The following ADGRL3 variants were observed in gnomAD, a reference collection of about 807,000 sequenced individuals.
The protein encoded by ADGRL3 is adhesion G protein-coupled receptor L3.
ADGRL3 carries 62 observed loss-of-function variants against 153.5 expected under a neutral mutation model. The ratio of observed to expected loss-of-function variants is 0.40; its 90% CI spans 0.33 to 0.50. The LOEUF (loss-of-function observed/expected upper bound fraction) is 0.50. Among genes scored for constraint, ADGRL3 ranks in the 20% least tolerant of loss-of-function variants. The probability of loss-of-function intolerance (pLI) is 0.47; values close to 1 mark genes in which losing one functional copy is unlikely to be tolerated. For missense variants in ADGRL3, 1,641 were observed against 1,859.4 expected, an observed-to-expected ratio of 0.88 and a Z score of 2.16; for synonymous variants, 710 against 672.5, an observed-to-expected ratio of 1.06 and a Z score of -0.86.
chr4:61,260,207 G>T (rs2092394808), intron 1 of ADGRL3, among the ~76,000 whole-genome samples: 1 of 152,136 alleles, frequency 6.6e-6, no homozygotes, highest in East Asian at 1.9e-4. Context: ...CCTAACGATG[G>T]TTGTTTTATA....
In ADGRL3 at chr4:61,873,542, T is replaced by C. The variant is rs192676983; in HGVS notation, c.1481-19114T>C. Among the ~76,000 whole-genome samples, 145 of 152,324 alleles carry C rather than the reference T, an allele frequency of 9.5e-4. 2 individuals carry two copies. The highest frequency in any genetic ancestry group is 3.2e-3 in the African/African-American group (131 of 41,574). ...GAATCACTAGAAATTGAAAAAAGCA[T>C]AATCTGTATTTCTGAAAGCCATCCA... On this transcript the variant is annotated intron_variant, in intron 9 of 26. Transcript: ENST00000683033.
intron 2 of ADGRL3, among the ~76,000 whole-genome samples, chr4:61,434,261 G>T (rs565257672): frequency 6.6e-6 from 1 of 152,160 alleles, no homozygotes; most frequent in South Asian, 2.1e-4. Flanking sequence ...AATGAGGTCT[G>T]CAATGGTCAT....
chr4:61,214,724 C>G (rs1337617105), intron 1 of ADGRL3, among the ~76,000 whole-genome samples: 1 of 152,004 alleles, frequency 6.6e-6, no homozygotes, highest in Admixed American at 6.6e-5. Context: ...TCGCTTGAAC[C>G]CAGGAGTCGG....
At chr4:61,731,356 T>A (rs2096438474) in intron 7 of ADGRL3, among the ~76,000 whole-genome samples, 1 of 152,078 alleles carries the variant, frequency 6.6e-6, no homozygotes. Flanking sequence ...ATAGTTACTG[T>A]TTAAAAGCTA....
chr4:61,574,850 A>T (rs2098860989), intron 4 of ADGRL3, among the ~76,000 whole-genome samples: 1 of 151,820 alleles, frequency 6.6e-6, no homozygotes, highest in Non-Finnish European at 1.5e-5. Flanking sequence ...TAAATATTTT[A>T]GAAATAGAGA....
intron 8 of ADGRL3, among the ~76,000 whole-genome samples, chr4:61,772,603 AGGG>A (rs2097099572): frequency 6.6e-6 from 1 of 152,190 alleles, no homozygotes; most frequent in African/African-American, 2.4e-5. Context: ...AAAGTGTGAT[AGGG>A]CAAAGTATGG....
intron 8 of ADGRL3, among the ~76,000 whole-genome samples, chr4:61,744,727 T>C (rs571594253): frequency 2.8e-4 from 43 of 152,022 alleles, no homozygotes; most frequent in African/African-American, 1.0e-3. Flanking sequence ...ATCACCATCA[T>C]CAAAGACCAA....
chr4:61,427,114 G>A (rs577811721), intron 2 of ADGRL3: 47 of 126,084 alleles, frequency 3.7e-4, no homozygotes, highest in African/African-American at 1.3e-3. Flanking sequence ...AGAGCCGAAA[G>A]CACTCAGGGG....
intron 4 of ADGRL3, among the ~76,000 whole-genome samples, chr4:61,576,129 C>T (rs1249045028): frequency 1.3e-5 from 2 of 151,690 alleles, no homozygotes; most frequent in Non-Finnish European, 3.0e-5. Context: ...TTTGTCCTTT[C>T]AGAATATCAT....
chr4:61,471,505 T>G (rs774801069), intron 2 of ADGRL3, among the ~76,000 whole-genome samples: 1 of 151,844 alleles, frequency 6.6e-6, no homozygotes, highest in Non-Finnish European at 1.5e-5. Context: ...ACATTCTAGA[T>G]AGCTGAGAGG....
chr4:61,957,973 T>A (rs866141675), intron 17 of ADGRL3, among the ~76,000 whole-genome samples: 2 of 152,186 alleles, frequency 1.3e-5, no homozygotes, highest in Admixed American at 6.5e-5. Context: ...TAATTTCTAA[T>A]CTGTGTATTC....
chr4:61,674,735 G>T (rs1236967416), intron 5 of ADGRL3, among the ~76,000 whole-genome samples: 1 of 151,872 alleles, frequency 6.6e-6, no homozygotes, highest in Non-Finnish European at 1.5e-5. Context: ...GATTTATGAG[G>T]TTGTATATTC....
At chr4:61,589,610 G>C (rs1007679148) in intron 5 of ADGRL3, among the ~76,000 whole-genome samples, 2 of 151,960 alleles carry the variant, frequency 1.3e-5, no homozygotes, top group Non-Finnish European at 2.9e-5. Context: ...GACTATATCA[G>C]AGTCTAAACG....
chr4:61,655,994 G>T (rs1428245423), intron 5 of ADGRL3, among the ~76,000 whole-genome samples: 5 of 152,128 alleles, frequency 3.3e-5, no homozygotes, highest in Non-Finnish European at 5.9e-5. Context: ...ATTCAGGATT[G>T]GTGGTTGACT....
chr4:62,074,184 T>C lies in ADGRL3; in HGVS notation c.*3276T>C, dbSNP rs1746465845. The C allele has an allele frequency of 6.6e-6, 1 of 152,170 alleles. No homozygotes were observed. Among genetic ancestry groups the C allele is most frequent in the Non-Finnish European group, 1.5e-5 (1 of 68,024 alleles). 9.4% of individuals were successfully genotyped at this position (152,170 alleles called of 1,614,324 possible). A position where few individuals can be genotyped will look rare whatever the true frequency, so the allele number is the denominator to read the frequency against. ...ATCTGTATATTTTTATGTGTTCATC[T>C]GAATTTCCAGTAAGAAGTAAATTTC... On this transcript the variant is annotated 3_prime_UTR_variant, in exon 27 of 27. Transcript: ENST00000683033.
chr4:61,993,419 T>G (rs1361304215), intron 19 of ADGRL3, among the ~76,000 whole-genome samples: 1 of 150,450 alleles, frequency 6.6e-6, no homozygotes, highest in Non-Finnish European at 1.5e-5. Context: ...AGCCTCCCGA[T>G]TAGCTGGGAT....
intron 25 of ADGRL3, among the ~76,000 whole-genome samples, chr4:62,061,471 T>C (rs1740120511): frequency 1.3e-5 from 2 of 151,988 alleles, no homozygotes; most frequent in African/African-American, 4.8e-5. Flanking sequence ...TAATTGTATT[T>C]GTATGTATGT....
At chr4:61,346,071 A>C (rs2151224115) in intron 1 of ADGRL3, among the ~76,000 whole-genome samples, 1 of 152,242 alleles carries the variant, frequency 6.6e-6, no homozygotes, top group South Asian at 2.1e-4. Flanking sequence ...TAGCTGAAAT[A>C]GATATAAACA....
chr4:62,042,361 T>C (rs1205477201), intron 24 of ADGRL3, among the ~76,000 whole-genome samples: 1 of 151,922 alleles, frequency 6.6e-6, no homozygotes, highest in Non-Finnish European at 1.5e-5. Context: ...TGAGATGTGA[T>C]TGGATTGTGT....
Sources: gnomAD v4.1 joint callset for allele counts (sites outside exome capture counted in the v4.1 genomes callset) on GRCh38, gnomAD v4.1.1 for gene constraint, MANE v1.5 for transcripts, NCBI Gene and HGNC (gene_info 2026-07-23, HGNC 2026-07-21) for gene names.